MSRA: variants seen among roughly 807,000 people sequenced by gnomAD.
MSRA encodes mitochondrial peptide methionine sulfoxide reductase.
Under a neutral mutation model 31.3 loss-of-function variants are expected in MSRA, and 54 were observed. The observed-to-expected ratio is 1.73, with a 90% confidence interval of 1.39 to 2.17. The LOEUF (loss-of-function observed/expected upper bound fraction) is 2.17. Among genes scored for constraint, MSRA ranks in the 30% most tolerant of loss-of-function variants. The pLI is 0.00. For missense variants in MSRA, 507 were observed against 300.9 expected (o/e 1.69, Z -5.07); for synonymous variants, 169 against 116.5 (o/e 1.45, Z -2.90).
At chr8:10,105,979 A>G (rs1333920405) in intron 1 of MSRA, among the ~76,000 whole-genome samples, 1 of 152,232 alleles carries the variant, frequency 6.6e-6, no homozygotes, top group Non-Finnish European at 1.5e-5. Context: ...TGTATATGAA[A>G]TTGCTTTAGT....
chr8:10,070,146 TAAG>T (rs1206187083), intron 1 of MSRA, among the ~76,000 whole-genome samples: 1 of 152,064 alleles, frequency 6.6e-6, no homozygotes, highest in Admixed American at 6.6e-5. Context: ...TTGGGGAAAA[TAAG>T]AGGATTAGGT....
At chr8:10,352,011 G>A (rs978251940) in intron 5 of MSRA, among the ~76,000 whole-genome samples, 5 of 152,206 alleles carry the variant, frequency 3.3e-5, no homozygotes, top group Non-Finnish European at 7.3e-5. Flanking sequence ...ATGTTCCTTA[G>A]TCGAATCACT....
At chr8:10,281,541 T>C (rs1799623226) in intron 3 of MSRA, among the ~76,000 whole-genome samples, 1 of 152,210 alleles carries the variant, frequency 6.6e-6, no homozygotes, top group Non-Finnish European at 1.5e-5. Flanking sequence ...AGCAGAATCC[T>C]GAAACAATGC....
chr8:10,189,044 A>C (rs1335914104), intron 1 of MSRA, among the ~76,000 whole-genome samples: 1 of 152,148 alleles, frequency 6.6e-6, no homozygotes, highest in Non-Finnish European at 1.5e-5. Context: ...TTCTCTCAAC[A>C]GTGTTTTATA....
chr8:10,376,941 G>C (rs1221030871), intron 5 of MSRA, among the ~76,000 whole-genome samples: 1 of 152,166 alleles, frequency 6.6e-6, no homozygotes, highest in Non-Finnish European at 1.5e-5. Flanking sequence ...TTTTAAAAAG[G>C]GTGTAAGCGG....
chr8:10,054,334 C>G lies in MSRA; in HGVS notation c.-183C>G. The G allele has an allele frequency of 2.1e-6, 1 of 478,064 alleles. No individual in the cohort carries two copies. Among genetic ancestry groups the G allele is most frequent in the Non-Finnish European group, 3.3e-6 (1 of 306,054 alleles). The allele number at this position is 478,064 out of a possible 1,614,324, so 29.6% of individuals were successfully genotyped here. On this transcript the variant is annotated 5_prime_UTR_variant, in exon 1 of 6. Transcript: ENST00000317173. ...GCCCCCGGTGACAGCCGGTACGGCC[C>G]CGGGTTTGGGCAACCTCGATTACGG...
chr8:10,105,360 C>A (rs1173571969), intron 1 of MSRA, among the ~76,000 whole-genome samples: 1 of 152,126 alleles, frequency 6.6e-6, no homozygotes, highest in Non-Finnish European at 1.5e-5. Flanking sequence ...GGACTAATTT[C>A]TTAGAATGCA....
At chr8:10,069,463 T>C (rs974634291) in intron 1 of MSRA, among the ~76,000 whole-genome samples, 1 of 152,248 alleles carries the variant, frequency 6.6e-6, no homozygotes, top group African/African-American at 2.4e-5. Flanking sequence ...CTGGGTAATT[T>C]ATAAAGAAAC....
At chr8:10,185,092 C>G (rs1373746354) in intron 1 of MSRA, among the ~76,000 whole-genome samples, 1 of 152,204 alleles carries the variant, frequency 6.6e-6, no homozygotes, top group Non-Finnish European at 1.5e-5. Flanking sequence ...TCCTCTCTCT[C>G]AAGGCTGAAG....
chr8:10,166,708 A>G (rs931150871), intron 1 of MSRA, among the ~76,000 whole-genome samples: 1 of 152,064 alleles, frequency 6.6e-6, no homozygotes, highest in African/African-American at 2.4e-5. Context: ...ACTTGATCAT[A>G]CTTTTACAAC....
intron 5 of MSRA, among the ~76,000 whole-genome samples, chr8:10,400,595 C>A (rs1807398466): frequency 6.6e-6 from 1 of 152,096 alleles, no homozygotes; most frequent in Non-Finnish European, 1.5e-5. Context: ...AACAAGCTGA[C>A]CGAGAGATGT....
At chr8:10,352,897 A>G (rs9644682) in intron 5 of MSRA, among the ~76,000 whole-genome samples, 12,866 of 152,160 alleles carry the variant, frequency 0.085, 1,333 homozygotes, top group East Asian at 0.47. Context: ...GTCTTGCAAC[A>G]TATCAGAGCA....
intron 1 of MSRA, among the ~76,000 whole-genome samples, chr8:10,165,092 G>T (rs1483508856): frequency 6.6e-6 from 1 of 152,120 alleles, no homozygotes; most frequent in African/African-American, 2.4e-5. Context: ...GGAGAGTGAA[G>T]TCCGGGTGTT....
intron 2 of MSRA, among the ~76,000 whole-genome samples, chr8:10,229,808 A>T (rs958802682): frequency 7.9e-5 from 12 of 152,216 alleles, no homozygotes; most frequent in African/African-American, 2.9e-4. Context: ...ACACTTCTGA[A>T]TCCACGTCTA....
At chr8:10,325,587 A>T (rs1403502070) in intron 5 of MSRA, among the ~76,000 whole-genome samples, 3 of 152,178 alleles carry the variant, frequency 2.0e-5, no homozygotes, top group African/African-American at 7.2e-5. Context: ...TGAATTTCTG[A>T]CTGTTTATTC....
At chr8:10,093,076 A>C (rs1474598835) in intron 1 of MSRA, among the ~76,000 whole-genome samples, 2 of 152,002 alleles carry the variant, frequency 1.3e-5, no homozygotes, top group Non-Finnish European at 2.9e-5. Flanking sequence ...TATGTCTTTG[A>C]GTATAAAGTG....
chr8:10,133,175 G>C (rs909161081), intron 1 of MSRA, among the ~76,000 whole-genome samples: 1 of 152,178 alleles, frequency 6.6e-6, no homozygotes, highest in African/African-American at 2.4e-5. Flanking sequence ...ACGGACTGTG[G>C]GGAAGGCGGT....
intron 3 of MSRA, among the ~76,000 whole-genome samples, chr8:10,295,609 C>T (rs1179507609): frequency 6.6e-6 from 1 of 152,220 alleles, no homozygotes; most frequent in African/African-American, 2.4e-5. Flanking sequence ...GGCGAAGCAC[C>T]ACCATTTCTA....
chr8:10,259,882 G>A (rs1025066318), intron 3 of MSRA, among the ~76,000 whole-genome samples: 1 of 152,186 alleles, frequency 6.6e-6, no homozygotes, highest in Non-Finnish European at 1.5e-5. Flanking sequence ...CCTGACTCGG[G>A]CTCTGCCCGC....
Sources: allele counts gnomAD v4.1 joint callset (sites outside exome capture counted in the v4.1 genomes callset), GRCh38; gene constraint gnomAD v4.1.1; transcripts MANE v1.5; gene names NCBI Gene and HGNC (gene_info 2026-07-23, HGNC 2026-07-21).